The following GFRA1 variants were observed in gnomAD, a reference collection of about 807,000 sequenced individuals.
GFRA1 encodes GDNF family receptor alpha 1, also known as GDNF family receptor alpha-1.
Under a neutral mutation model 51.6 loss-of-function variants are expected in GFRA1, and 16 were observed. That is an observed-to-expected ratio of 0.31 (90% confidence interval 0.21 to 0.47). The LOEUF is 0.47. GFRA1 is among the 20% of genes least tolerant of loss of function. GFRA1 has a pLI of 1.00. For synonymous variants in GFRA1, 270 were observed against 241.3 expected (o/e 1.12, Z -1.10); for missense variants, 530 against 594.3 (o/e 0.89, Z 1.13).
rs1423386167 is a variant in GFRA1 at position 116,143,143 on chromosome 10, T to A, written c.434-17586A>T. Among the ~76,000 whole-genome samples the A allele has an allele frequency of 2.6e-5, 4 of 152,156 alleles. No homozygotes were observed. In the East Asian group the frequency reaches 7.7e-4, roughly 29 times the overall value. ...GGAGGTGGGGACGATCCCAGCTTTG[T>A]CCCTACTTAAAACCAGTTGTACGGT... On this transcript the variant is annotated intron_variant, in intron 5 of 10. Transcript: ENST00000355422.
intron 5 of GFRA1, among the ~76,000 whole-genome samples, chr10:116,204,035 T>A (rs188207911): frequency 3.0e-4 from 46 of 152,350 alleles, no homozygotes; most frequent in African/African-American, 1.1e-3. Context: ...AACAAACTTG[T>A]ACTTCTACAT....
At chr10:116,173,470 C>T (rs147013712) in intron 5 of GFRA1, among the ~76,000 whole-genome samples, 3 of 152,292 alleles carry the variant, frequency 2.0e-5, no homozygotes, top group Non-Finnish European at 2.9e-5. Flanking sequence ...TTCCTAGTTC[C>T]GCCATTTCTC....
Position 116,269,594 on chromosome 10 carries a change from C to A in GFRA1, c.335-8G>T, listed in dbSNP as rs1400096456. Reference sequence around the variant, plus strand: ...CCTCCAGCAGATCATTTCCTAAAAACAACAGAAAGATTGGGCTCAGATCAG... The same window carrying A: ...CCTCCAGCAGATCATTTCCTAAAAAAAACAGAAAGATTGGGCTCAGATCAG... On this transcript the variant is annotated splice_region_variant and splice_polypyrimidine_tract_variant and intron_variant, in intron 3 of 10. Transcript: ENST00000355422. The A allele has an allele frequency of 6.5e-7, 1 of 1,549,652 alleles. No individual in the cohort carries two copies. Among genetic ancestry groups the A allele is most frequent in the Non-Finnish European group, 8.9e-7 (1 of 1,121,194 alleles).
intron 6 of GFRA1, among the ~76,000 whole-genome samples, chr10:116,115,046 A>G (rs910659745): frequency 6.6e-6 from 1 of 152,188 alleles, no homozygotes; most frequent in Non-Finnish European, 1.5e-5. Context: ...GGAAGGGAAA[A>G]CAATCCCAAG....
intron 3 of GFRA1, 152 bp downstream of exon 3, chr10:116,270,670 C>G: frequency 1.5e-6 from 1 of 658,456 alleles, no homozygotes; most frequent in East Asian, 2.7e-5. Flanking sequence ...CCAGCAAACA[C>G]CAGCTGCCGT....
intron 9 of GFRA1, among the ~76,000 whole-genome samples, chr10:116,083,334 C>T (rs938817948): frequency 6.6e-6 from 1 of 152,212 alleles, no homozygotes; most frequent in Non-Finnish European, 1.5e-5. Context: ...CCCAGGCCTC[C>T]TCTCCTCCCA....
At chr10:116,162,440 C>T (rs1374525574) in intron 5 of GFRA1, among the ~76,000 whole-genome samples, 1 of 152,210 alleles carries the variant, frequency 6.6e-6, no homozygotes, top group Non-Finnish European at 1.5e-5. Flanking sequence ...CCAAGCGGTA[C>T]TCGCATCCTT....
chr10:116,107,423 G>T (rs2133953068), intron 6 of GFRA1, among the ~76,000 whole-genome samples: 1 of 152,306 alleles, frequency 6.6e-6, no homozygotes, highest in South Asian at 2.1e-4. Flanking sequence ...AAGGACAATT[G>T]ATCCCCTTTT....
At chr10:116,100,125 T>C (rs537903252) in intron 6 of GFRA1, among the ~76,000 whole-genome samples, 7 of 152,250 alleles carry the variant, frequency 4.6e-5, no homozygotes, top group Non-Finnish European at 8.8e-5. Context: ...ATGGGTAGAA[T>C]TGGTTAGGTA....
chr10:116,216,520 T>TA (rs1423556931), intron 4 of GFRA1, among the ~76,000 whole-genome samples: 3 of 152,204 alleles, frequency 2.0e-5, no homozygotes, highest in African/African-American at 7.2e-5. Flanking sequence ...CCCACAGTAT[T>TA]AAAGGTATGG....
At chr10:116,224,336 T>C (rs1276929966) in intron 4 of GFRA1, among the ~76,000 whole-genome samples, 1 of 152,158 alleles carries the variant, frequency 6.6e-6, no homozygotes, top group African/African-American at 2.4e-5. Flanking sequence ...GCAATTCCAC[T>C]CCTGGGTATA....
intron 6 of GFRA1, among the ~76,000 whole-genome samples, chr10:116,112,229 G>T (rs1418779363): frequency 6.6e-6 from 1 of 152,210 alleles, no homozygotes; most frequent in Non-Finnish European, 1.5e-5. Flanking sequence ...CTCCTTTGCT[G>T]GAGTGAACGT....
chr10:116,220,909 C>T (rs1256097788), intron 4 of GFRA1, among the ~76,000 whole-genome samples: 1 of 152,216 alleles, frequency 6.6e-6, no homozygotes, highest in African/African-American at 2.4e-5. Flanking sequence ...CCCAAATCAA[C>T]TGTACATCTC....
chr10:116,140,638 T>G (rs1958522180), intron 5 of GFRA1, among the ~76,000 whole-genome samples: 1 of 152,176 alleles, frequency 6.6e-6, no homozygotes, highest in African/African-American at 2.4e-5. Flanking sequence ...AATTGGTAAT[T>G]CATTTCTGGT....
At chr10:116,256,981 ACCCTG>A (rs1968912787) in intron 4 of GFRA1, among the ~76,000 whole-genome samples, 1 of 65,044 alleles carries the variant, frequency 1.5e-5, no homozygotes, top group Admixed American at 1.5e-4. Flanking sequence ...GCAGAAGTCC[ACCCTG>A]AGCCCAGGAC....
chr10:116,124,355 A>G (rs988111126), intron 6 of GFRA1, among the ~76,000 whole-genome samples: 1 of 150,914 alleles, frequency 6.6e-6, no homozygotes, highest in Non-Finnish European at 1.5e-5. Context: ...TCAGCCTCCT[A>G]AGTAGCTGGG....
chr10:116,122,512 G>A (rs1325663489), intron 6 of GFRA1, among the ~76,000 whole-genome samples: 1 of 152,036 alleles, frequency 6.6e-6, no homozygotes. Context: ...TCCTCCCATC[G>A]CCTCCCCCAG....
chr10:116,246,499 T>G (rs1967876134), intron 4 of GFRA1, among the ~76,000 whole-genome samples: 1 of 152,148 alleles, frequency 6.6e-6, no homozygotes, highest in African/African-American at 2.4e-5. Flanking sequence ...ACCTGCTCAA[T>G]TTTTCTGTTG....
intron 4 of GFRA1, 64 bp downstream of exon 4, chr10:116,269,439 G>C (rs746678052): frequency 1.1e-6 from 1 of 916,456 alleles, no homozygotes; most frequent in Non-Finnish European, 1.8e-6. Context: ...GAGAGCCAAA[G>C]AGAATGCAAG....
Sources: allele counts gnomAD v4.1 joint callset (sites outside exome capture counted in the v4.1 genomes callset), GRCh38; gene constraint gnomAD v4.1.1; transcripts MANE v1.5; gene names NCBI Gene and HGNC (gene_info 2026-07-23, HGNC 2026-07-21).